ZNF420: variants seen among roughly 807,000 people sequenced by gnomAD.
ZNF420 encodes the protein zinc finger protein 420, also known as ATM and p53-associated KZNF protein.
Under a neutral mutation model 44.7 loss-of-function variants are expected in ZNF420, and 31 were observed. That is an observed-to-expected ratio of 0.69 (90% CI 0.52 to 0.94). The LOEUF (loss-of-function observed/expected upper bound fraction) is 0.94. Among genes scored for constraint, ZNF420 ranks in the 40% least tolerant of loss-of-function variants. ZNF420 has a pLI of 0.00. For missense variants in ZNF420, 681 were observed against 827.9 expected, an observed-to-expected ratio of 0.82 and a Z score of 2.18; for synonymous variants, 245 against 267.4, an observed-to-expected ratio of 0.92 and a Z score of 0.82.
intron 1 of ZNF420, among the ~76,000 whole-genome samples, chr19:37,010,071 G>A (rs1209608284): frequency 6.6e-6 from 1 of 152,210 alleles, no homozygotes; most frequent in African/African-American, 2.4e-5. Context: ...TAGGCAATGC[G>A]CATGCCCGAG....
chr19:37,127,633 T>C lies in ZNF420; in HGVS notation c.642T>C (p.His214=). Residue 214 remains histidine (H), a synonymous_variant, in exon 5 of 5, where the codon CAT becomes CAC. Transcript: ENST00000337995. The part of the protein sequence containing the change: ...FTQSSQLILH[H]RIHTGEKPYK... ...AAAGCTCACAACTTATTTTACATCA[T>C]AGAATTCATACTGGTGAAAAACCAT... 2.5e-6 allele frequency: 4 copies of C among 1,611,586 alleles called. No individual in the cohort carries two copies. The highest frequency in any genetic ancestry group is 3.4e-6 in the Non-Finnish European group (4 of 1,179,130).
Position 37,127,821 on chromosome 19 carries a change from A to G in ZNF420, c.830A>G (p.Lys277Arg). ...CACCAGAGACTTCATACTGGTGAAA[A>G]GCTCTATGAATGTAAAGAATGTAGG... ...TLHQRLHTGE[K>R]LYECKECRKV... Residue 277 changes from lysine to arginine, a missense_variant, in exon 5 of 5, where the codon AAG becomes AGG. Lys to Arg is a conservative substitution (Grantham distance 26). This residue lies in a region of ZNF420 where 350 missense variants were observed against 382.5 expected (regional missense o/e 0.92). Transcript: ENST00000337995. 1.9e-6 allele frequency: 3 copies of G among 1,613,830 alleles called. No homozygotes were observed. Among genetic ancestry groups the G allele is most frequent in the Non-Finnish European group, 2.5e-6 (3 of 1,179,942 alleles).
intron 1 of ZNF420, among the ~76,000 whole-genome samples, chr19:37,050,297 T>A (rs1160516180): frequency 6.6e-6 from 1 of 152,126 alleles, no homozygotes; most frequent in Non-Finnish European, 1.5e-5. Context: ...ATCTATAAAT[T>A]ACCTTGGGCA....
intron 1 of ZNF420, among the ~76,000 whole-genome samples, chr19:37,047,648 A>G (rs1479392567): frequency 6.6e-6 from 1 of 152,156 alleles, no homozygotes; most frequent in Non-Finnish European, 1.5e-5. Flanking sequence ...CCTTCGTAAT[A>G]TCTCTTACTT....
At chr19:37,121,886 A>AT (rs1481575605) in intron 4 of ZNF420, among the ~76,000 whole-genome samples, 10 of 152,284 alleles carry the variant, frequency 6.6e-5, no homozygotes, top group Non-Finnish European at 1.3e-4. Flanking sequence ...ATCACTGGCC[A>AT]TCAGAGAAAT....
rs546246531 is a variant in ZNF420, at chr19:37,129,980, C to G, written c.*922C>G. 6.9e-7 allele frequency: 1 copy of G among 1,453,064 alleles called. No homozygotes were observed. Among genetic ancestry groups the G allele is most frequent in the African/African-American group, 1.4e-5 (1 of 69,462 alleles). The allele number at this position is 1,453,064 out of a possible 1,614,324, so 90.0% of individuals were successfully genotyped here. ...GTTTGTGATACAGACTGCTTTTTTC[C>G]TACCCTATATCTATTTTCTCTTTTT... On this transcript the variant is annotated 3_prime_UTR_variant, in exon 5 of 5. Transcript: ENST00000337995.
chr19:37,117,854 ACTG>A (rs1970785708), intron 4 of ZNF420, among the ~76,000 whole-genome samples: 1 of 152,378 alleles, frequency 6.6e-6, no homozygotes, highest in East Asian at 1.9e-4. Context: ...GACACGATCA[ACTG>A]GAAGAAAGGG....
chr19:37,054,707 T>A (rs1037631077), intron 1 of ZNF420, among the ~76,000 whole-genome samples: 3 of 152,166 alleles, frequency 2.0e-5, no homozygotes, highest in Non-Finnish European at 2.9e-5. Flanking sequence ...GTGCTCACTG[T>A]CATGCGCTGC....
intron 1 of ZNF420, among the ~76,000 whole-genome samples, chr19:37,016,352 C>T (rs1408663645): frequency 1.3e-5 from 2 of 152,216 alleles, no homozygotes; most frequent in Non-Finnish European, 2.9e-5. Flanking sequence ...TGACTGGGTG[C>T]AGGCCAGGTG....
chr19:37,079,695 T>G (rs1043065706), intron 1 of ZNF420, among the ~76,000 whole-genome samples: 3 of 152,100 alleles, frequency 2.0e-5, no homozygotes, highest in African/African-American at 7.2e-5. Flanking sequence ...GGTCTTAGGA[T>G]GAGAATTTTA....
chr19:37,041,978 A>G (rs1568427229), intron 1 of ZNF420, among the ~76,000 whole-genome samples: 2 of 151,928 alleles, frequency 1.3e-5, no homozygotes, highest in Admixed American at 6.6e-5. Context: ...TCCAGCGTCT[A>G]TTTTCTTTTT....
chr19:37,046,031 T>C (rs1438459090), intron 1 of ZNF420, among the ~76,000 whole-genome samples: 3 of 152,162 alleles, frequency 2.0e-5, no homozygotes, highest in Non-Finnish European at 2.9e-5. Context: ...ATGAGACTTA[T>C]TCACTATCAT....
chr19:37,091,009 C>T lies in ZNF420; in HGVS notation c.24C>T (p.Phe8=). The T allele has an allele frequency of 1.2e-6, 2 of 1,612,754 alleles. No individual in the cohort carries two copies. Among genetic ancestry groups the T allele is most frequent in the South Asian group, 2.2e-5 (2 of 90,626 alleles). MARKLVM[F]RDVAIDFSQE... is the part of the protein sequence containing the mutation. ...TGTTGTTTCAGAAATTAGTGATGTT[C>T]AGGGATGTTGCCATTGACTTCTCTC... Residue 8 remains phenylalanine (F), a synonymous_variant, in exon 4 of 5, where the codon TTC becomes TTT. Coordinates refer to ENST00000337995, the MANE Select transcript of ZNF420 (RefSeq NM_144689.5).
chr19:37,072,744 T>C (rs79346658), intron 1 of ZNF420, among the ~76,000 whole-genome samples: 3,677 of 152,314 alleles, frequency 0.024, 162 homozygotes, highest in African/African-American at 0.083. Flanking sequence ...TGATGATCAA[T>C]AGACACTATG....
At chr19:37,090,919 C>CAAAA in intron 3 of ZNF420, 76 bp from the exon 4 acceptor site, 3 of 1,142,852 alleles carry the variant, frequency 2.6e-6, no homozygotes, top group East Asian at 3.3e-5. Context: ...GACTCCATCT[C>CAAAA]AAAAAAAAAA....
At chr19:37,042,702 G>A (rs1388299297) in intron 1 of ZNF420, among the ~76,000 whole-genome samples, 1 of 152,182 alleles carries the variant, frequency 6.6e-6, no homozygotes, top group Non-Finnish European at 1.5e-5. Context: ...TATTATGCAT[G>A]TTTTTGCTGG....
At chr19:37,037,337 C>T (rs751028674) in intron 1 of ZNF420, among the ~76,000 whole-genome samples, 47 of 152,146 alleles carry the variant, frequency 3.1e-4, no homozygotes, top group Non-Finnish European at 5.3e-4. Context: ...GTCCTCTTGC[C>T]GAGATGGATG....
At position 37,091,094 on chromosome 19, in the gene ZNF420, G is replaced by A. The variant is rs772693019; in HGVS notation, c.109G>A (p.Glu37Lys). Residue 37 changes from glutamate (E) to lysine (K), a missense_variant, in exon 4 of 5, where the codon GAG (glutamate) becomes AAG (lysine). By Grantham distance (56) the Glu-to-Lys change is moderately conservative. Transcript: ENST00000337995. ...AGATTTGTATAGAGATGTGATGTTG[G>A]AGAACTATAGCAACTTGGTATCACT... ...QRDLYRDVML[E>K]NYSNLVSLDL... is the part of the protein sequence containing the mutation. 2 of 1,601,316 alleles carry A rather than the reference G, an allele frequency of 1.2e-6. No individual in the cohort carries two copies. The highest frequency in any genetic ancestry group is 1.7e-6 in the Non-Finnish European group (2 of 1,175,340).
At chr19:37,043,413 T>G (rs1599612559) in intron 1 of ZNF420, among the ~76,000 whole-genome samples, 1 of 152,242 alleles carries the variant, frequency 6.6e-6, no homozygotes, top group East Asian at 1.9e-4. Context: ...GCAAAAAGTA[T>G]CCTCAACACA....
Sources: gnomAD v4.1 joint callset for allele counts (sites outside exome capture counted in the v4.1 genomes callset) on GRCh38, gnomAD v4.1.1 for gene constraint, gnomAD v4.1.1 regional missense constraint, MANE v1.5 for transcripts, NCBI Gene and HGNC (gene_info 2026-07-23, HGNC 2026-07-21) for gene names.